HSD17B12: variants seen among roughly 807,000 people sequenced by gnomAD.
HSD17B12 encodes hydroxysteroid 17-beta dehydrogenase 12.
HSD17B12 carries 32 observed loss-of-function variants against 39.3 expected under a neutral mutation model. The observed-to-expected ratio is 0.81, with a 90% CI of 0.61 to 1.09. The LOEUF (loss-of-function observed/expected upper bound fraction) is 1.09. HSD17B12 is among the 50% of genes least tolerant of loss of function. HSD17B12 has a pLI of 0.00. For missense variants in HSD17B12, 342 were observed against 382.9 expected (o/e 0.89, Z 0.89); for synonymous variants, 150 against 146.7 (o/e 1.02, Z -0.16).
chr11:43,754,137 A>G lies in HSD17B12; in HGVS notation c.283+16A>G. Reference sequence around the variant, plus strand: ...AGTGAAATAAGTAAGTTCTCACATCAAACAAAAGGAATACATAGCTAATTA... The same window carrying G: ...AGTGAAATAAGTAAGTTCTCACATCGAACAAAAGGAATACATAGCTAATTA... On this transcript the variant is annotated intron_variant, in intron 3 of 10. Coordinates refer to ENST00000278353, the MANE Select transcript of HSD17B12 (RefSeq NM_016142.3). 3 of 1,526,954 alleles carry G rather than the reference A, an allele frequency of 2.0e-6. No homozygotes were observed. The highest frequency in any genetic ancestry group is 2.7e-6 in the Non-Finnish European group (3 of 1,102,724). 94.6% of individuals were successfully genotyped at this position (1,526,954 alleles called of 1,614,324 possible). A position where few individuals can be genotyped will look rare whatever the true frequency, so the allele number is the denominator to read the frequency against.
chr11:43,585,124 C>T, the HSD17B12 span, among the ~76,000 whole-genome samples: 39 of 152,352 alleles, frequency 2.6e-4, no homozygotes, highest in African/African-American at 9.4e-4. Context: ...GTTGTTATGT[C>T]TCCTTAACTG....
At chr11:43,720,616 G>A (rs183826213) in intron 1 of HSD17B12, among the ~76,000 whole-genome samples, 66 of 152,248 alleles carry the variant, frequency 4.3e-4, no homozygotes, top group Non-Finnish European at 8.5e-4. Flanking sequence ...AAAGCAAGTC[G>A]CATATCCAAG....
chr11:43,759,181 A>C (rs1189951987), intron 3 of HSD17B12, among the ~76,000 whole-genome samples: 1 of 152,188 alleles, frequency 6.6e-6, no homozygotes, highest in African/African-American at 2.4e-5. Context: ...CAAGTGAAAA[A>C]AATCAAGGAC....
intron 8 of HSD17B12, among the ~76,000 whole-genome samples, chr11:43,839,009 T>G (rs1321665557): frequency 6.6e-6 from 1 of 152,120 alleles, no homozygotes; most frequent in Non-Finnish European, 1.5e-5. Context: ...GAAAGTAATT[T>G]AGAATGAGTC....
At chr11:43,612,465 G>A in the HSD17B12 span, among the ~76,000 whole-genome samples, 2 of 152,204 alleles carry the variant, frequency 1.3e-5, no homozygotes, top group East Asian at 3.8e-4. Context: ...ACTCAAGCAA[G>A]ATATATATAG....
At chr11:43,651,907 A>T in the HSD17B12 span, among the ~76,000 whole-genome samples, 3 of 152,218 alleles carry the variant, frequency 2.0e-5, no homozygotes, top group Non-Finnish European at 4.4e-5. Flanking sequence ...ACCAGAAAAC[A>T]TGAAATACCT....
At chr11:43,809,109 T>C (rs1951045676) in intron 4 of HSD17B12, among the ~76,000 whole-genome samples, 1 of 152,202 alleles carries the variant, frequency 6.6e-6, no homozygotes, top group South Asian at 2.1e-4. Flanking sequence ...TGGTCATACG[T>C]AATAAAAGTA....
the HSD17B12 span, among the ~76,000 whole-genome samples, chr11:43,613,740 C>T: frequency 6.6e-6 from 1 of 151,572 alleles, no homozygotes; most frequent in Admixed American, 6.6e-5. Context: ...GATCTTAGCT[C>T]ACTGCAAACT....
chr11:43,670,977 A>G, the HSD17B12 span, among the ~76,000 whole-genome samples: 1 of 152,300 alleles, frequency 6.6e-6, no homozygotes, highest in East Asian at 1.9e-4. Context: ...TTTAGAAAAA[A>G]AAAGTGTGGG....
At chr11:43,628,219 T>C in the HSD17B12 span, among the ~76,000 whole-genome samples, 1 of 151,992 alleles carries the variant, frequency 6.6e-6, no homozygotes, top group Admixed American at 6.6e-5. Flanking sequence ...ACTTTTGCTA[T>C]CCAAATGTTA....
the HSD17B12 span, among the ~76,000 whole-genome samples, chr11:43,657,468 G>C: frequency 2.0e-5 from 3 of 152,138 alleles, no homozygotes; most frequent in South Asian, 6.2e-4. Context: ...TTATTTTGCT[G>C]ATTAGTTGAT....
At chr11:43,798,020 A>G (rs888559463) in intron 3 of HSD17B12, among the ~76,000 whole-genome samples, 3 of 152,200 alleles carry the variant, frequency 2.0e-5, no homozygotes, top group Non-Finnish European at 4.4e-5. Context: ...ATGTTTTATT[A>G]TTTGTACCTA....
chr11:43,789,519 A>G (rs912649796), intron 3 of HSD17B12, among the ~76,000 whole-genome samples: 7 of 152,200 alleles, frequency 4.6e-5, no homozygotes, highest in African/African-American at 1.7e-4. Context: ...GAATAAATGA[A>G]TGAGCACCTG....
Position 43,811,623 on chromosome 11 carries a change from A to T in HSD17B12, c.392-3814A>T, listed in dbSNP as rs1250627252. 1.3e-5 allele frequency among the ~76,000 whole-genome samples: 2 copies of T among 152,052 alleles called. 1 individual carries two copies. On this transcript the variant is annotated intron_variant, in intron 4 of 10. Coordinates refer to ENST00000278353, the MANE Select transcript of HSD17B12 (RefSeq NM_016142.3). The stretch of plus-strand genomic sequence containing the variant: ...CATAATATTTCTACATATTTATAGG[A>T]TACATGTGATATTTTATTACATGCA...
the HSD17B12 span, among the ~76,000 whole-genome samples, chr11:43,603,320 T>C: frequency 4.6e-5 from 7 of 152,192 alleles, no homozygotes; most frequent in Non-Finnish European, 1.0e-4. Flanking sequence ...TGAAATCTTT[T>C]TGAATGAAAA....
chr11:43,793,581 A>G (rs1221582230), intron 3 of HSD17B12, among the ~76,000 whole-genome samples: 1 of 152,242 alleles, frequency 6.6e-6, no homozygotes, highest in Non-Finnish European at 1.5e-5. Context: ...GATGATGGCC[A>G]GAGCTGGAAG....
intron 5 of HSD17B12, 76 bp downstream of exon 5, chr11:43,815,577 C>A: frequency 2.3e-6 from 2 of 871,330 alleles, no homozygotes; most frequent in Non-Finnish European, 3.6e-6. Flanking sequence ...CACTATGACA[C>A]TGGAGTCCAG....
chr11:43,785,096 GT>G (rs34389751), intron 3 of HSD17B12, among the ~76,000 whole-genome samples: 91,224 of 149,654 alleles, frequency 0.61, 27,867 homozygotes, highest in East Asian at 0.75. Flanking sequence ...AGTAAACAGG[GT>G]TTTTTTTTTT....
At chr11:43,611,122 T>C in the HSD17B12 span, among the ~76,000 whole-genome samples, 1 of 152,232 alleles carries the variant, frequency 6.6e-6, no homozygotes, top group Non-Finnish European at 1.5e-5. Context: ...CCTGTTTTCT[T>C]CCTGACACCT....
Sources: gnomAD v4.1 joint callset for allele counts (sites outside exome capture counted in the v4.1 genomes callset) on GRCh38, gnomAD v4.1.1 for gene constraint, MANE v1.5 for transcripts, NCBI Gene and HGNC (gene_info 2026-07-23, HGNC 2026-07-21) for gene names.